EML1: variants seen among roughly 807,000 people sequenced by gnomAD.
The protein encoded by EML1 is echinoderm microtubule-associated protein-like 1.
In EML1, 27 loss-of-function variants were observed where a neutral mutation model predicts 110.4. The observed-to-expected ratio is 0.24, with a 90% CI of 0.18 to 0.34. The LOEUF (loss-of-function observed/expected upper bound fraction) is 0.34. Ranked by LOEUF, EML1 falls within the 10% of genes least tolerant of loss-of-function variation. The pLI is 1.00. For synonymous variants in EML1, 344 were observed against 385.8 expected (o/e 0.89, Z 1.27); for missense variants, 741 against 1,030.9 (o/e 0.72, Z 3.85).
chr14:99,756,546 A>G (rs1159933114), intron 1 of EML1, among the ~76,000 whole-genome samples: 1 of 152,152 alleles, frequency 6.6e-6, no homozygotes, highest in African/African-American at 2.4e-5. Context: ...GAGTAGGTAG[A>G]TGGTTTGGAG....
intron 1 of EML1, among the ~76,000 whole-genome samples, chr14:99,787,134 T>G (rs78706904): frequency 6.6e-6 from 1 of 152,290 alleles, no homozygotes; most frequent in Admixed American, 6.5e-5. Context: ...TGTTCCCTTA[T>G]GGTTGTTAGA....
At chr14:99,742,301 G>A (rs2057052279) in intron 1 of EML1, among the ~76,000 whole-genome samples, 2 of 152,204 alleles carry the variant, frequency 1.3e-5, no homozygotes, top group Non-Finnish European at 2.9e-5. Context: ...GGCAGCAAGT[G>A]GCCTGGGTTT....
chr14:99,786,808 C>T (rs2057605547), intron 1 of EML1, among the ~76,000 whole-genome samples: 1 of 152,142 alleles, frequency 6.6e-6, no homozygotes, highest in Non-Finnish European at 1.5e-5. Flanking sequence ...AATGAAAGGA[C>T]ATCAGTTAGC....
intron 1 of EML1, among the ~76,000 whole-genome samples, chr14:99,740,398 C>T (rs1182749949): frequency 6.6e-6 from 1 of 152,166 alleles, no homozygotes; most frequent in Non-Finnish European, 1.5e-5. Flanking sequence ...TTGGCTTGCA[C>T]CTGAAGAAGC....
chr14:99,866,913 G>A (rs1291312290), intron 3 of EML1, among the ~76,000 whole-genome samples: 1 of 152,188 alleles, frequency 6.6e-6, no homozygotes, highest in African/African-American at 2.4e-5. Context: ...TGCATTGTGT[G>A]TATATATCAT....
At chr14:99,741,289 T>G (rs2057039218) in intron 1 of EML1, among the ~76,000 whole-genome samples, 1 of 152,140 alleles carries the variant, frequency 6.6e-6, no homozygotes, top group African/African-American at 2.4e-5. Context: ...TGCCCTGCTC[T>G]GGGCCACAGT....
intron 1 of EML1, among the ~76,000 whole-genome samples, chr14:99,782,568 G>T (rs1165670560): frequency 6.6e-6 from 1 of 152,192 alleles, no homozygotes; most frequent in East Asian, 1.9e-4. Flanking sequence ...AATTGTCTGT[G>T]ATGAAGAACC....
intron 1 of EML1, among the ~76,000 whole-genome samples, chr14:99,848,992 T>G (rs1566896347): frequency 6.6e-6 from 1 of 151,948 alleles, no homozygotes; most frequent in Non-Finnish European, 1.5e-5. Flanking sequence ...ACTTAAGGTT[T>G]CATAATAACA....
At chr14:99,747,295 A>C (rs994850372) in intron 1 of EML1, among the ~76,000 whole-genome samples, 7 of 151,808 alleles carry the variant, frequency 4.6e-5, no homozygotes, top group African/African-American at 1.7e-4. Flanking sequence ...CGAGGAGGGC[A>C]CTGCGCATTC....
At position 99,846,281 on chromosome 14, in the gene EML1, A is replaced by ATTTTTT. The variant is rs1251744096; in HGVS notation, c.68-4558_68-4553dup. Among the ~76,000 whole-genome samples, 156 of 109,988 alleles carry ATTTTTT rather than the reference A, an allele frequency of 1.4e-3. 5 individuals are homozygous for ATTTTTT. Among genetic ancestry groups the ATTTTTT allele is most frequent in the Non-Finnish European group, 2.2e-3 (122 of 55,012 alleles). The allele number at this position is 109,988 out of a possible 152,430, so 72.2% of individuals were successfully genotyped here. Reference sequence around the variant, plus strand: ...GCCATTCTTATTTTTCCAGCTGGTGATTTTTTTTTTTTTTTTTTTGAGACA... The same window carrying ATTTTTT: ...GCCATTCTTATTTTTCCAGCTGGTGATTTTTTTTTTTTTTTTTTTTTTTTTGAGACA... On this transcript the variant is annotated intron_variant, in intron 1 of 21. Coordinates refer to ENST00000262233, the MANE Select transcript of EML1 (RefSeq NM_004434.3).
chr14:99,894,592 C>T, intron 5 of EML1, 37 bp from the exon 6 acceptor site: 1 of 1,596,752 alleles, frequency 6.3e-7, no homozygotes, highest in Non-Finnish European at 8.5e-7. Flanking sequence ...ACGCTGGGCA[C>T]TGAGGTATCT....
chr14:99,793,675 G>A (rs1229476882), intron 1 of EML1, 132 bp downstream of exon 1: 1 of 621,574 alleles, frequency 1.6e-6, no homozygotes, highest in Non-Finnish European at 2.0e-6. Context: ...TTGTTGCGGA[G>A]GGGCGCGCGG....
intron 1 of EML1, among the ~76,000 whole-genome samples, chr14:99,765,455 A>G (rs1328334811): frequency 6.6e-6 from 1 of 152,120 alleles, no homozygotes; most frequent in Admixed American, 6.5e-5. Flanking sequence ...TAGGTACATC[A>G]TGTGAGTGTA....
intron 4 of EML1, among the ~76,000 whole-genome samples, chr14:99,887,128 C>T (rs1314248306): frequency 1.3e-5 from 2 of 152,196 alleles, no homozygotes; most frequent in Non-Finnish European, 2.9e-5. Flanking sequence ...CTAGTGTTCT[C>T]CTGCCATCTC....
chr14:99,805,227 T>G (rs573578909), intron 1 of EML1, among the ~76,000 whole-genome samples: 1 of 152,346 alleles, frequency 6.6e-6, no homozygotes, highest in Admixed American at 6.5e-5. Flanking sequence ...GATGTCATTC[T>G]GGCTCATGTG....
intron 1 of EML1, among the ~76,000 whole-genome samples, chr14:99,818,787 A>G (rs1013009733): frequency 1.3e-5 from 2 of 152,118 alleles, no homozygotes; most frequent in African/African-American, 4.8e-5. Context: ...TCAAGTCAGG[A>G]GAGAAGTCAA....
intron 2 of EML1, among the ~76,000 whole-genome samples, chr14:99,859,344 T>G (rs1432292637): frequency 6.6e-6 from 1 of 152,082 alleles, no homozygotes; most frequent in East Asian, 1.9e-4. Flanking sequence ...TGGAAACCAG[T>G]CTTCAGCTTG....
In EML1 at chr14:99,826,538, C is replaced by T. The variant is rs79660602; in HGVS notation, c.68-24315C>T. 1.7e-3 allele frequency among the ~76,000 whole-genome samples: 258 copies of T among 152,164 alleles called. 2 individuals carry two copies. Among genetic ancestry groups the T allele is most frequent in the East Asian group, 0.014 (70 of 5,170 alleles). The stretch of plus-strand genomic sequence containing the variant: ...CCTCCAAGGGCCCAAGTTTGATCAC[C>T]GGAGGATTATTCCTTAAGCAGCACG... On this transcript the variant is annotated intron_variant, in intron 1 of 21. Coordinates refer to ENST00000262233, the MANE Select transcript of EML1 (RefSeq NM_004434.3).
At chr14:99,897,375 C>A (rs1365893537) in intron 7 of EML1, 81 bp downstream of exon 7, 8 of 1,393,344 alleles carry the variant, frequency 5.7e-6, no homozygotes, top group Non-Finnish European at 6.7e-6. Flanking sequence ...TCCAGACCAT[C>A]CTGGGCAACA....
Sources: allele counts gnomAD v4.1 joint callset (sites outside exome capture counted in the v4.1 genomes callset), GRCh38; gene constraint gnomAD v4.1.1; transcripts MANE v1.5; gene names NCBI Gene and HGNC (gene_info 2026-07-23, HGNC 2026-07-21).